Variants in PCDHGB4 observed in about 807,000 individuals in gnomAD.
The protein encoded by PCDHGB4 is protocadherin gamma subfamily B, 4.
PCDHGB4 carries 38 observed loss-of-function variants against 60.5 expected under a neutral mutation model. The ratio of observed to expected loss-of-function variants is 0.63; its 90% CI spans 0.48 to 0.82. PCDHGB4 has a LOEUF of 0.82. Ranked by LOEUF, PCDHGB4 falls within the 40% of genes least tolerant of loss-of-function variation. The pLI is 0.00. For missense variants in PCDHGB4, 1,109 were observed against 1,209.6 expected, an observed-to-expected ratio of 0.92 and a Z score of 1.23; for synonymous variants, 456 against 509.7, an observed-to-expected ratio of 0.89 and a Z score of 1.42.
chr5:141,426,492 T>C (rs1439487321), intron 1 of PCDHGB4: 2 of 336,712 alleles, frequency 5.9e-6, no homozygotes, highest in African/African-American at 4.3e-5. Context: ...TTAGAGTTAG[T>C]GCAGAGAAAC....
intron 1 of PCDHGB4, chr5:141,418,609 C>G: frequency 6.2e-7 from 1 of 1,614,026 alleles, no homozygotes. Flanking sequence ...ACAGGGTTAG[C>G]CTTCGGGAAG....
rs1485764871 is a variant in PCDHGB4, at chr5:141,486,709, C to A, written c.2398-8098C>A. On this transcript the variant is annotated intron_variant, in intron 1 of 3. Coordinates refer to ENST00000519479, the MANE Select transcript of PCDHGB4 (RefSeq NM_003736.4). The surrounding 1 kb of genome is among the most constrained non-coding windows in gnomAD (Gnocchi z 5.0). ...CTTCCTCTTTCATCTCTCTGAACCC[C>A]CAGACAGGAGCTGTTCATGCTACTC... 6.2e-7 allele frequency: 1 copy of A among 1,614,182 alleles called. No homozygotes were observed. Among genetic ancestry groups the A allele is most frequent in the Admixed American group, 1.7e-5 (1 of 60,022 alleles).
chr5:141,507,487 G>A (rs889348168), intron 3 of PCDHGB4, among the ~76,000 whole-genome samples: 1 of 152,204 alleles, frequency 6.6e-6, no homozygotes, highest in African/African-American at 2.4e-5. Context: ...GCCTCCTGAG[G>A]CAGAGCTGTC....
At chr5:141,499,330 C>T (rs1040336371) in intron 2 of PCDHGB4, among the ~76,000 whole-genome samples, 1 of 152,170 alleles carries the variant, frequency 6.6e-6, no homozygotes, top group African/African-American at 2.4e-5. Flanking sequence ...CCTGCTCTCT[C>T]TCAGTTTGGG....
At chr5:141,414,064 C>T in intron 1 of PCDHGB4, 1 of 1,607,864 alleles carries the variant, frequency 6.2e-7, no homozygotes, top group Non-Finnish European at 8.5e-7. Context: ...GTTGAAGTTC[C>T]AACTAAACAA....
At chr5:141,416,928 A>G (rs1297487387) in intron 1 of PCDHGB4, 4 of 152,170 alleles carry the variant, frequency 2.6e-5, no homozygotes, top group Non-Finnish European at 2.9e-5. Flanking sequence ...ATAGTTATTA[A>G]CTATTAAACC....
intron 2 of PCDHGB4, among the ~76,000 whole-genome samples, chr5:141,501,847 C>T (rs976699397): frequency 1.3e-5 from 2 of 152,140 alleles, no homozygotes; most frequent in Admixed American, 6.5e-5. Context: ...GGCCCTCAAC[C>T]TTCAACCATT....
rs757924501 is a variant in PCDHGB4, at chr5:141,490,548, A to G, written c.2398-4259A>G. 1.2e-6 allele frequency: 2 copies of G among 1,614,084 alleles called. No individual in the cohort carries two copies. Among genetic ancestry groups the G allele is most frequent in the South Asian group, 2.2e-5 (2 of 91,080 alleles). ...ATGCTGGTTCACCTTCCCTACACAA[A>G]CATCTCACCATCAGGCTCAACATTT... On this transcript the variant is annotated intron_variant, in intron 1 of 3. Transcript: ENST00000519479. This position sits in a 1 kb window ranked among gnomAD's most constrained non-coding sequence, Gnocchi z 5.4.
intron 1 of PCDHGB4, chr5:141,398,815 A>G (rs1369560562): frequency 6.2e-7 from 1 of 1,613,870 alleles, no homozygotes; most frequent in East Asian, 2.2e-5. Context: ...TGAGCTCCGG[A>G]TCCAGGTAAC....
intron 1 of PCDHGB4, chr5:141,392,761 A>G (rs1341541753): frequency 1.6e-5 from 24 of 1,476,812 alleles, no homozygotes; most frequent in Non-Finnish European, 2.1e-5. Flanking sequence ...AAACTAAATA[A>G]GACCCATTTA....
intron 2 of PCDHGB4, among the ~76,000 whole-genome samples, chr5:141,496,279 G>C (rs902362885): frequency 1.3e-5 from 2 of 152,198 alleles, no homozygotes; most frequent in Non-Finnish European, 2.9e-5. Context: ...ACCTTCAGTT[G>C]GTCTGAGCAG....
At chr5:141,422,005 A>T in intron 1 of PCDHGB4, 1 of 1,609,814 alleles carries the variant, frequency 6.2e-7, no homozygotes, top group East Asian at 2.2e-5. Flanking sequence ...CAGCTCCGGA[A>T]CTCGGGTGCT....
chr5:141,401,394 T>C (rs1444370873), intron 1 of PCDHGB4, among the ~76,000 whole-genome samples: 1 of 152,158 alleles, frequency 6.6e-6, no homozygotes, highest in Non-Finnish European at 1.5e-5. Context: ...CTACATGTTA[T>C]GTGTATGAGA....
chr5:141,476,770 C>T lies in PCDHGB4; in HGVS notation c.2398-18037C>T, dbSNP rs1452363016. 6.2e-7 allele frequency: 1 copy of T among 1,613,568 alleles called. No homozygotes were observed. The highest frequency in any genetic ancestry group is 8.5e-7 in the Non-Finnish European group (1 of 1,180,020). ...TCCAGTTAGTGCTGACGGCGTTGGA[C>T]GGAGGGACCCCAGCTCTCTCCGCCA... On this transcript the variant is annotated intron_variant, in intron 1 of 3. Coordinates refer to ENST00000519479, the MANE Select transcript of PCDHGB4 (RefSeq NM_003736.4). This position sits in a 1 kb window ranked among gnomAD's most constrained non-coding sequence, Gnocchi z 7.6.
Position 141,431,548 on chromosome 5 carries a change from A to G in PCDHGB4, c.2397+41267A>G, listed in dbSNP as rs1357844542. 2 of 1,614,136 alleles carry G rather than the reference A, an allele frequency of 1.2e-6. No individual in the cohort carries two copies. Among genetic ancestry groups the G allele is most frequent in the Admixed American group, 1.7e-5 (1 of 60,030 alleles). On this transcript the variant is annotated intron_variant, in intron 1 of 3. Coordinates refer to ENST00000519479, the MANE Select transcript of PCDHGB4 (RefSeq NM_003736.4). This position sits in a 1 kb window ranked among gnomAD's most constrained non-coding sequence, Gnocchi z 4.8. ...TGGCCTTGGGCACGCAGCTGCTTGT[A>G]GTCAACGCTACCGACCCTGACGAAG... is the stretch of plus-strand genomic sequence containing the variant.
At chr5:141,390,455 T>C (rs2092151799) in intron 1 of PCDHGB4, 174 bp downstream of exon 1, 6 of 771,128 alleles carry the variant, frequency 7.8e-6, no homozygotes, top group Non-Finnish European at 1.2e-5. Context: ...AGGAGTAAAG[T>C]AGGAGCAATT....
At chr5:141,413,132 A>G in intron 1 of PCDHGB4, 1 of 1,542,144 alleles carries the variant, frequency 6.5e-7, no homozygotes, top group Non-Finnish European at 8.7e-7. Context: ...GAAACACACA[A>G]CGTGTCCAGT....
rs753845173 is a variant in PCDHGB4, at chr5:141,490,873, C to T, written c.2398-3934C>T. On this transcript the variant is annotated intron_variant, in intron 1 of 3. Coordinates refer to ENST00000519479, the MANE Select transcript of PCDHGB4 (RefSeq NM_003736.4). The surrounding 1 kb of genome is among the most constrained non-coding windows in gnomAD (Gnocchi z 5.4). Reference sequence around the variant, plus strand: ...TCGAGACTCCGGCTCTCCCCCATTGCATGCCAACACATCTCTGCATGTGTT... The same window carrying T: ...TCGAGACTCCGGCTCTCCCCCATTGTATGCCAACACATCTCTGCATGTGTT... 5.6e-6 allele frequency: 9 copies of T among 1,613,884 alleles called. No homozygotes were observed. The highest frequency in any genetic ancestry group is 7.6e-6 in the Non-Finnish European group (9 of 1,179,908).
chr5:141,470,358 A>G (rs1263824284), intron 1 of PCDHGB4, among the ~76,000 whole-genome samples: 2 of 152,174 alleles, frequency 1.3e-5, no homozygotes, highest in African/African-American at 4.8e-5. Context: ...AAATAGACAC[A>G]TTAGGTTGAA....
Sources: allele counts gnomAD v4.1 joint callset (sites outside exome capture counted in the v4.1 genomes callset), GRCh38; gene constraint gnomAD v4.1.1; non-coding constraint Gnocchi (gnomAD v3.1); transcripts MANE v1.5; gene names NCBI Gene and HGNC (gene_info 2026-07-23, HGNC 2026-07-21).